The following ATP2B2 variants were observed in gnomAD, a reference collection of about 807,000 sequenced individuals.
The protein encoded by ATP2B2 is ATPase plasma membrane Ca2+ transporting 2, also known as plasma membrane calcium-transporting ATPase 2.
In ATP2B2, 15 loss-of-function variants were observed where a neutral mutation model predicts 120.0. The ratio of observed to expected loss-of-function variants is 0.12; its 90% CI spans 0.08 to 0.19. ATP2B2 has a LOEUF of 0.19. Among genes scored for constraint, ATP2B2 ranks in the 10% least tolerant of loss-of-function variants. The probability of loss-of-function intolerance (pLI) is 1.00; values close to 1 mark genes in which losing one functional copy is unlikely to be tolerated. For missense variants in ATP2B2, 1,045 were observed against 1,719.8 expected (o/e 0.61, Z 6.94); for synonymous variants, 694 against 700.3 (o/e 0.99, Z 0.14).
chr3:10,541,245 A>AT (rs1441078403), intron 2 of ATP2B2, among the ~76,000 whole-genome samples: 1 of 151,780 alleles, frequency 6.6e-6, no homozygotes, highest in Non-Finnish European at 1.5e-5. Context: ...TTTCTCTGTC[A>AT]TTTTTTGGTT....
intron 21 of ATP2B2, among the ~76,000 whole-genome samples, chr3:10,339,993 C>T (rs2060228703): frequency 1.3e-5 from 2 of 152,156 alleles, no homozygotes; most frequent in African/African-American, 2.4e-5. Context: ...AAAAAGCTGA[C>T]GTGATTGAGA....
Position 10,402,035 on chromosome 3 carries a change from T to G in ATP2B2, c.655+56A>C. ...AATCTCTTTGCATCAGCCTGGCCTG[T>G]CCCACCTCTGCCGGAATCCAGCTTT... On this transcript the variant is annotated intron_variant, in intron 4 of 22. Coordinates refer to ENST00000360273, the MANE Select transcript of ATP2B2 (RefSeq NM_001001331.4). This position sits in a 1 kb window ranked among gnomAD's most constrained non-coding sequence, Gnocchi z 4.9. 2 of 1,606,860 alleles carry G rather than the reference T, an allele frequency of 1.2e-6. No homozygotes were observed. The highest frequency in any genetic ancestry group is 1.7e-6 in the Non-Finnish European group (2 of 1,179,904).
chr3:10,552,066 G>T (rs1217832215), intron 2 of ATP2B2, among the ~76,000 whole-genome samples: 1 of 152,228 alleles, frequency 6.6e-6, no homozygotes, highest in Non-Finnish European at 1.5e-5. Context: ...ACCTCACTGT[G>T]CCTATCCTGG....
At chr3:10,508,092 G>A (rs2125430189), upstream of ATP2B2, among the ~76,000 whole-genome samples, 1 of 152,252 alleles carries the variant, frequency 6.6e-6, no homozygotes, top group Non-Finnish European at 1.5e-5. Flanking sequence ...TTGGTTTTCA[G>A]ACCCTAAGAC....
chr3:10,384,962 C>T (rs1056843544), intron 8 of ATP2B2, among the ~76,000 whole-genome samples: 8 of 152,326 alleles, frequency 5.3e-5, no homozygotes, highest in South Asian at 4.1e-4. Flanking sequence ...CCAGGTGGGA[C>T]GCTCCTTCTT....
chr3:10,567,103 C>T (rs537887503), intron 2 of ATP2B2, among the ~76,000 whole-genome samples: 1 of 152,222 alleles, frequency 6.6e-6, no homozygotes, highest in Non-Finnish European at 1.5e-5. Flanking sequence ...GATATCTAGA[C>T]CAGCCCCTCC....
intron 3 of ATP2B2, among the ~76,000 whole-genome samples, chr3:10,519,370 G>A (rs2066937664): frequency 1.3e-5 from 2 of 152,216 alleles, no homozygotes; most frequent in African/African-American, 4.8e-5. Flanking sequence ...CAATGTCCGG[G>A]CCTTTCAAGG....
At chr3:10,413,651 CT>C (rs1466212552) in intron 2 of ATP2B2, among the ~76,000 whole-genome samples, 1 of 152,224 alleles carries the variant, frequency 6.6e-6, no homozygotes, top group Non-Finnish European at 1.5e-5. Flanking sequence ...GCACGGCACA[CT>C]GTAGCACGAT....
At chr3:10,401,830 G>C (rs1197638520) in intron 4 of ATP2B2, among the ~76,000 whole-genome samples, 1 of 152,228 alleles carries the variant, frequency 6.6e-6, no homozygotes, top group Non-Finnish European at 1.5e-5. Context: ...GATTAGTAAT[G>C]TCTGCTATGG....
chr3:10,369,130 G>T (rs1202431256), intron 12 of ATP2B2, among the ~76,000 whole-genome samples: 2 of 152,220 alleles, frequency 1.3e-5, no homozygotes, highest in Non-Finnish European at 2.9e-5. Context: ...AAAGCTGATG[G>T]GTAGTGAAGC....
intron 11 of ATP2B2, among the ~76,000 whole-genome samples, chr3:10,372,606 CTAACATA>C: frequency 6.6e-6 from 1 of 152,100 alleles, no homozygotes; most frequent in Admixed American, 6.5e-5. Context: ...TTTTCTATGA[CTAACATA>C]TATCACTTGC....
chr3:10,660,303 C>G (rs1474078910), intron 1 of ATP2B2, among the ~76,000 whole-genome samples: 1 of 152,096 alleles, frequency 6.6e-6, no homozygotes, highest in Non-Finnish European at 1.5e-5. Context: ...ATCAATGAAT[C>G]CAGGAGCTGT....
At chr3:10,523,036 A>G (rs1253553210) in intron 3 of ATP2B2, among the ~76,000 whole-genome samples, 2 of 152,218 alleles carry the variant, frequency 1.3e-5, no homozygotes, top group Non-Finnish European at 2.9e-5. Flanking sequence ...AAGGTCACAG[A>G]TGTGGATAGT....
At chr3:10,337,558 C>G (rs922867076) in intron 22 of ATP2B2, among the ~76,000 whole-genome samples, 27 of 152,160 alleles carry the variant, frequency 1.8e-4, no homozygotes, top group Non-Finnish European at 3.4e-4. Context: ...CAGCCATGCT[C>G]TCTCTGCTCT....
At chr3:10,589,466 G>C (rs1431985660) in intron 2 of ATP2B2, among the ~76,000 whole-genome samples, 1 of 152,232 alleles carries the variant, frequency 6.6e-6, no homozygotes, top group Non-Finnish European at 1.5e-5. Context: ...AGATGAGCCT[G>C]TTGCCAAACG....
At chr3:10,480,685 A>T (rs909757430) in intron 1 of ATP2B2, among the ~76,000 whole-genome samples, 2 of 152,142 alleles carry the variant, frequency 1.3e-5, no homozygotes, top group Non-Finnish European at 2.9e-5. Flanking sequence ...GTTCCTCCCA[A>T]GTCCATCTTG....
At chr3:10,545,730 G>C (rs560601702) in intron 2 of ATP2B2, among the ~76,000 whole-genome samples, 1 of 152,032 alleles carries the variant, frequency 6.6e-6, no homozygotes, top group Non-Finnish European at 1.5e-5. Flanking sequence ...TGTTAGCGGT[G>C]GTTTTTTTAA....
At chr3:10,452,398 C>A (rs1025888099) in intron 1 of ATP2B2, among the ~76,000 whole-genome samples, 2 of 152,208 alleles carry the variant, frequency 1.3e-5, no homozygotes, top group Non-Finnish European at 2.9e-5. Context: ...AAGGAGAGAC[C>A]TCTGAGAACA....
chr3:10,551,655 C>A (rs181063468), intron 2 of ATP2B2, among the ~76,000 whole-genome samples: 1 of 152,342 alleles, frequency 6.6e-6, no homozygotes, highest in East Asian at 1.9e-4. Flanking sequence ...AGCCCGGCAA[C>A]TGTACACAAT....
Sources: gnomAD v4.1 joint callset for allele counts (sites outside exome capture counted in the v4.1 genomes callset) on GRCh38, gnomAD v4.1.1 for gene constraint, Gnocchi (gnomAD v3.1) non-coding constraint, MANE v1.5 for transcripts, NCBI Gene and HGNC (gene_info 2026-07-23, HGNC 2026-07-21) for gene names.